The following BNIP3 variants were observed in gnomAD, a reference collection of about 807,000 sequenced individuals.
BNIP3 encodes the protein BCL2/adenovirus E1B 19 kDa protein-interacting protein 3.
Under a neutral mutation model 23.9 loss-of-function variants are expected in BNIP3, and 16 were observed. The ratio of observed to expected loss-of-function variants is 0.67; its 90% CI spans 0.45 to 1.01. The LOEUF (loss-of-function observed/expected upper bound fraction) is 1.01. BNIP3 is among the 50% of genes least tolerant of loss of function. The pLI, the probability that BNIP3 is intolerant of heterozygous loss-of-function variation, is 0.00. For missense variants in BNIP3, 198 were observed against 248.7 expected (o/e 0.80, Z 1.37); for synonymous variants, 81 against 89.3 (o/e 0.91, Z 0.53).
Position 131,970,986 on chromosome 10 carries a change from T to G in BNIP3, c.283-16A>C. Reference sequence around the variant, plus strand: ...CTTCCTCAGACTAAGATAAAGTCAATGTTAAAGGCAGATCAGTGTACCACA... The same window carrying G: ...CTTCCTCAGACTAAGATAAAGTCAAGGTTAAAGGCAGATCAGTGTACCACA... On this transcript the variant is annotated splice_polypyrimidine_tract_variant and intron_variant, in intron 3 of 5. Coordinates refer to ENST00000368636, the MANE Select transcript of BNIP3 (RefSeq NM_004052.4). This position sits in a 1 kb window ranked among gnomAD's most constrained non-coding sequence, Gnocchi z 4.1. 1 of 1,609,226 alleles carries G rather than the reference T, an allele frequency of 6.2e-7. No homozygotes were observed. The highest frequency in any genetic ancestry group is 8.5e-7 in the Non-Finnish European group (1 of 1,177,742).
At position 131,970,709 on chromosome 10, in the gene BNIP3, T is replaced by A. The variant is rs1306669594; in HGVS notation, c.468A>T (p.Ile156=). 1.7e-5 allele frequency: 27 copies of A among 1,614,054 alleles called. No individual in the cohort carries two copies. The highest frequency in any genetic ancestry group is 2.0e-5 in the Non-Finnish European group (24 of 1,180,038). Reference sequence around the variant, plus strand: ...AAACTTTCAGAAATTCTGCAGAGAATATGCCCCCTTTCTTCATGACGCTCG... The same window carrying A: ...AAACTTTCAGAAATTCTGCAGAGAAAATGCCCCCTTTCTTCATGACGCTCG... ...RNTSVMKKGG[I]FSAEFLKVFL... is the part of the protein sequence containing the mutation. The change falls in exon 5 of 6, where the codon ATA becomes ATT. Residue 156 remains isoleucine, a synonymous_variant. Coordinates refer to ENST00000368636, the MANE Select transcript of BNIP3 (RefSeq NM_004052.4). This position sits in a 1 kb window ranked among gnomAD's most constrained non-coding sequence, Gnocchi z 4.1.
chr10:131,970,746 C>G lies in BNIP3; in HGVS notation c.431G>C (p.Ser144Thr). 6.2e-7 allele frequency: 1 copy of G among 1,614,216 alleles called. No homozygotes were observed. Among genetic ancestry groups the G allele is most frequent in the Non-Finnish European group, 8.5e-7 (1 of 1,180,042 alleles). ...CTTCATGACGCTCGTGTTCCTCATGCTGAGGGTGGCCGTGCGCTTCGGGTG... is the reference window on the plus strand; with the variant it reads ...CTTCATGACGCTCGTGTTCCTCATGGTGAGGGTGGCCGTGCGCTTCGGGTG... The part of the protein sequence containing the change: ...FKHPKRTATL[S>T]MRNTSVMKKG... The change falls in exon 5 of 6, where the codon AGC becomes ACC. Residue 144 changes from serine (S) to threonine (T), a missense_variant. Ser to Thr is a moderately conservative substitution (Grantham distance 58). Transcript: ENST00000368636. The surrounding 1 kb of genome is among the most constrained non-coding windows in gnomAD (Gnocchi z 4.1).
intron 3 of BNIP3, among the ~76,000 whole-genome samples, chr10:131,972,626 T>C (rs1427130399): frequency 6.6e-6 from 1 of 152,152 alleles, no homozygotes; most frequent in Admixed American, 6.5e-5. Flanking sequence ...CATGCAAATA[T>C]TAAAACCCAC....
At chr10:131,974,024 C>T in intron 1 of BNIP3, 81 bp from the exon 2 acceptor site, 1 of 1,559,834 alleles carries the variant, frequency 6.4e-7, no homozygotes, top group Non-Finnish European at 8.7e-7. Context: ...CCAGCCTGCC[C>T]TTCCATTTCC....
In BNIP3 at chr10:131,981,889, G is replaced by A. The variant is rs2037122583; in HGVS notation, c.-83C>T. On this transcript the variant is annotated 5_prime_UTR_variant, in exon 1 of 6. Coordinates refer to ENST00000368636, the MANE Select transcript of BNIP3 (RefSeq NM_004052.4). ...AGCTGCGGGCGGTGGGAAAGCGGAG[G>A]TCGGAGCGCCGCGGCCCAGCTGCGC... 1 of 1,356,828 alleles carries A rather than the reference G, an allele frequency of 7.4e-7. No homozygotes were observed. Among genetic ancestry groups the A allele is most frequent in the Middle Eastern group, 2.7e-4 (1 of 3,768 alleles). 84.0% of individuals were successfully genotyped at this position (1,356,828 alleles called of 1,614,324 possible).
Position 131,970,852 on chromosome 10 carries a change from G to C in BNIP3, c.389+12C>G. On this transcript the variant is annotated intron_variant, in intron 4 of 5. Transcript: ENST00000368636. This position sits in a 1 kb window ranked among gnomAD's most constrained non-coding sequence, Gnocchi z 4.1. The stretch of plus-strand genomic sequence containing the variant: ...TCAAGGGGTGCCCCCGTGACACTGA[G>C]AACACACTCACTTGGGGGGAATATT... The C allele has an allele frequency of 6.2e-7, 1 of 1,614,174 alleles. No individual in the cohort carries two copies. The highest frequency in any genetic ancestry group is 8.5e-7 in the Non-Finnish European group (1 of 1,180,006).
intron 1 of BNIP3, among the ~76,000 whole-genome samples, chr10:131,975,617 C>A (rs574818816): frequency 6.6e-6 from 1 of 152,252 alleles, no homozygotes; most frequent in East Asian, 1.9e-4. Context: ...TCCACACACA[C>A]GAGGCATCTC....
intron 1 of BNIP3, chr10:131,980,403 A>C (rs2037110746): frequency 6.6e-6 from 1 of 152,220 alleles, no homozygotes; most frequent in Non-Finnish European, 1.5e-5. Flanking sequence ...TAATTAGCCA[A>C]TGTTTAAATT....
chr10:131,981,624 G>T, intron 1 of BNIP3, 137 bp downstream of exon 1: 1 of 1,109,574 alleles, frequency 9.0e-7, no homozygotes, highest in Non-Finnish European at 1.2e-6. Context: ...GGGTACGGAA[G>T]GGGAGGATGG....
chr10:131,981,696 T>TC, intron 1 of BNIP3, 65 bp downstream of exon 1: 1 of 1,148,018 alleles, frequency 8.7e-7, no homozygotes, highest in Non-Finnish European at 1.2e-6. Context: ...CTTGGCGCCC[T>TC]CTTGGCCTTC....
chr10:131,970,749 A>C lies in BNIP3; in HGVS notation c.428T>G (p.Leu143Arg). ...CATGACGCTCGTGTTCCTCATGCTG[A>C]GGGTGGCCGTGCGCTTCGGGTGTTT... Reference protein sequence around the residue: ...LFKHPKRTATLSMRNTSVMKK... With the variant: ...LFKHPKRTATRSMRNTSVMKK... Residue 143 changes from leucine to arginine, a missense_variant, in exon 5 of 6, where the codon CTC (leucine) becomes CGC (arginine). Leu to Arg is a moderately radical substitution (Grantham distance 102). Transcript: ENST00000368636. This position sits in a 1 kb window ranked among gnomAD's most constrained non-coding sequence, Gnocchi z 4.1. 6.2e-7 allele frequency: 1 copy of C among 1,614,166 alleles called. No individual in the cohort carries two copies. Among genetic ancestry groups the C allele is most frequent in the Non-Finnish European group, 8.5e-7 (1 of 1,180,038 alleles).
At position 131,970,630 on chromosome 10, in the gene BNIP3, T is replaced by C. The variant is rs765526067; in HGVS notation, c.539+8A>G. 6.2e-7 allele frequency: 1 copy of C among 1,613,364 alleles called. No homozygotes were observed. The highest frequency in any genetic ancestry group is 1.7e-5 in the Admixed American group (1 of 60,008). On this transcript the variant is annotated splice_region_variant and intron_variant, in intron 5 of 5. Coordinates refer to ENST00000368636, the MANE Select transcript of BNIP3 (RefSeq NM_004052.4). The surrounding 1 kb of genome is among the most constrained non-coding windows in gnomAD (Gnocchi z 4.1). The stretch of plus-strand genomic sequence containing the variant: ...CCATGACAGGAGTCACACAGTCACA[T>C]CACCTACCCCAATCCGATGGCCAGC...
rs1441679215 is a variant in BNIP3, at chr10:131,976,780, C to T, written c.47-2837G>A. ...GGAATTTCTACCTCAAGTAACTATC[C>T]TGGGGCCACCCTTGAGCCACTGTAT... On this transcript the variant is annotated intron_variant, in intron 1 of 5. Coordinates refer to ENST00000368636, the MANE Select transcript of BNIP3 (RefSeq NM_004052.4). This position sits in a 1 kb window ranked among gnomAD's most constrained non-coding sequence, Gnocchi z 4.3. 6.6e-6 allele frequency among the ~76,000 whole-genome samples: 1 copy of T among 152,038 alleles called. No individual in the cohort carries two copies. The highest frequency in any genetic ancestry group is 1.5e-5 in the Non-Finnish European group (1 of 67,952).
rs45445796 is a variant in BNIP3 at position 131,976,526 on chromosome 10, C to T, written c.47-2583G>A. On this transcript the variant is annotated intron_variant, in intron 1 of 5. Coordinates refer to ENST00000368636, the MANE Select transcript of BNIP3 (RefSeq NM_004052.4). The surrounding 1 kb of genome is among the most constrained non-coding windows in gnomAD (Gnocchi z 4.3). ...AGAACTCAGAAAAACTCTTTACTTA[C>T]ATTTATCAGTTTACCAGAAACAATT... is the stretch of plus-strand genomic sequence containing the variant. 9.0e-3 allele frequency among the ~76,000 whole-genome samples: 1,374 copies of T among 152,308 alleles called. 19 individuals are homozygous for T. The highest frequency in any genetic ancestry group is 0.029 in the African/African-American group (1,225 of 41,562).
At chr10:131,979,541 C>T (rs2037102898) in intron 1 of BNIP3, among the ~76,000 whole-genome samples, 2 of 152,078 alleles carry the variant, frequency 1.3e-5, no homozygotes, top group African/African-American at 4.8e-5. Flanking sequence ...GACACGGTCT[C>T]GTCACAGAAT....
intron 5 of BNIP3, chr10:131,969,732 A>T (rs2037006710): frequency 6.6e-6 from 1 of 152,316 alleles, no homozygotes; most frequent in Admixed American, 6.5e-5. Flanking sequence ...TCTGCACGCC[A>T]GGACTAGAGC....
chr10:131,970,857 C>A lies in BNIP3; in HGVS notation c.389+7G>T. On this transcript the variant is annotated splice_region_variant and intron_variant, in intron 4 of 5. Coordinates refer to ENST00000368636, the MANE Select transcript of BNIP3 (RefSeq NM_004052.4). The surrounding 1 kb of genome is among the most constrained non-coding windows in gnomAD (Gnocchi z 4.1). ...GGGTGCCCCCGTGACACTGAGAACA[C>A]ACTCACTTGGGGGGAATATTTTCCG... is the stretch of plus-strand genomic sequence containing the variant. 1 of 1,614,238 alleles carries A rather than the reference C, an allele frequency of 6.2e-7. No individual in the cohort carries two copies. The highest frequency in any genetic ancestry group is 2.2e-5 in the East Asian group (1 of 44,882).
At chr10:131,979,579 CAT>C (rs539858596) in intron 1 of BNIP3, among the ~76,000 whole-genome samples, 163 of 152,230 alleles carry the variant, frequency 1.1e-3, no homozygotes, top group African/African-American at 3.5e-3. Flanking sequence ...TTAGCAGTGA[CAT>C]GTCTAGGAGA....
intron 3 of BNIP3, among the ~76,000 whole-genome samples, chr10:131,972,366 AC>A (rs1285062360): frequency 1.3e-5 from 2 of 152,058 alleles, no homozygotes; most frequent in Non-Finnish European, 2.9e-5. Flanking sequence ...ACACAGGGAG[AC>A]CCCGTCTCTA....
Sources: gnomAD v4.1 joint callset for allele counts (sites outside exome capture counted in the v4.1 genomes callset) on GRCh38, gnomAD v4.1.1 for gene constraint, Gnocchi (gnomAD v3.1) non-coding constraint, MANE v1.5 for transcripts, NCBI Gene and HGNC (gene_info 2026-07-23, HGNC 2026-07-21) for gene names.